Variants in CTDSPL observed in about 807,000 individuals in gnomAD.
CTDSPL encodes the protein CTD small phosphatase-like protein.
In CTDSPL, 8 loss-of-function variants were observed where a neutral mutation model predicts 30.5. The ratio of observed to expected loss-of-function variants is 0.26; its 90% CI spans 0.15 to 0.47. CTDSPL has a LOEUF of 0.47. CTDSPL is among the 20% of genes least tolerant of loss of function. The pLI is 0.99. For synonymous variants in CTDSPL, 110 were observed against 137.9 expected (o/e 0.80, Z 1.42); for missense variants, 248 against 366.1 (o/e 0.68, Z 2.63).
intron 1 of CTDSPL, among the ~76,000 whole-genome samples, chr3:37,909,157 G>T (rs1230174902): frequency 6.6e-6 from 1 of 152,122 alleles, no homozygotes; most frequent in East Asian, 1.9e-4. Context: ...TCACAGCATG[G>T]CATGATGAAA....
chr3:37,879,863 T>C (rs1418225801), intron 1 of CTDSPL, among the ~76,000 whole-genome samples: 2 of 152,016 alleles, frequency 1.3e-5, no homozygotes, highest in Non-Finnish European at 2.9e-5. Context: ...TTATTTTATG[T>C]ATACATATAT....
At chr3:37,946,392 A>G (rs1474209803) in intron 1 of CTDSPL, among the ~76,000 whole-genome samples, 1 of 152,190 alleles carries the variant, frequency 6.6e-6, no homozygotes, top group Non-Finnish European at 1.5e-5. Context: ...GGGCAGGAAC[A>G]TGTGTTCTCC....
chr3:37,981,314 A>G lies in CTDSPL; in HGVS notation c.*447A>G, dbSNP rs996627844. On this transcript the variant is annotated 3_prime_UTR_variant, in exon 8 of 8. Transcript: ENST00000273179. ...CCGAGAGTTAATTTTTCTACACAAC[A>G]TATTTCCAGACATCTTTTAGTCTTT... is the stretch of plus-strand genomic sequence containing the variant. 2 of 158,154 alleles carry G rather than the reference A, an allele frequency of 1.3e-5. No individual in the cohort carries two copies. Among genetic ancestry groups the G allele is most frequent in the African/African-American group, 2.4e-5 (1 of 41,446 alleles). The allele number at this position is 158,154 out of a possible 1,614,324, so 9.8% of individuals were successfully genotyped here. A position where few individuals can be genotyped will look rare whatever the true frequency, so the allele number is the denominator to read the frequency against.
intron 1 of CTDSPL, among the ~76,000 whole-genome samples, chr3:37,891,617 C>T (rs751838035): frequency 1.3e-5 from 2 of 152,144 alleles, no homozygotes; most frequent in East Asian, 3.9e-4. Context: ...TTCATTTAAC[C>T]TGTTAATGGA....
At chr3:37,963,431 A>G (rs1022413020) in intron 3 of CTDSPL, among the ~76,000 whole-genome samples, 1 of 152,354 alleles carries the variant, frequency 6.6e-6, no homozygotes, top group East Asian at 1.9e-4. Flanking sequence ...GCCACGTAAA[A>G]GGAAATACAG....
At chr3:37,914,873 CTTTTTTTT>C (rs11304152) in intron 1 of CTDSPL, among the ~76,000 whole-genome samples, 12 of 51,282 alleles carry the variant, frequency 2.3e-4, no homozygotes, top group Middle Eastern at 0.018. Context: ...TATATATGTT[CTTTTTTTT>C]TTTTTTTTTT....
chr3:37,901,655 C>T (rs933514869), intron 1 of CTDSPL, among the ~76,000 whole-genome samples: 3 of 152,150 alleles, frequency 2.0e-5, no homozygotes, highest in African/African-American at 7.2e-5. Context: ...AGACCTCTTG[C>T]TTTGAGAGCA....
chr3:37,899,250 AGG>A (rs569836885), intron 1 of CTDSPL, among the ~76,000 whole-genome samples: 27 of 152,342 alleles, frequency 1.8e-4, no homozygotes, highest in Middle Eastern at 3.4e-3. Flanking sequence ...GAGCTCACCT[AGG>A]GAGAGAGACT....
intron 1 of CTDSPL, among the ~76,000 whole-genome samples, chr3:37,905,762 G>C (rs995878166): frequency 2.0e-5 from 3 of 152,234 alleles, no homozygotes; most frequent in Admixed American, 2.0e-4. Context: ...ACACAGGTCT[G>C]AACAACATAG....
chr3:37,936,397 T>C (rs2125617658), intron 1 of CTDSPL, among the ~76,000 whole-genome samples: 1 of 152,208 alleles, frequency 6.6e-6, no homozygotes, highest in African/African-American at 2.4e-5. Context: ...TCTGTGCGGT[T>C]TGTGCCCTGG....
At chr3:37,894,194 G>A (rs953578234) in intron 1 of CTDSPL, among the ~76,000 whole-genome samples, 1 of 152,030 alleles carries the variant, frequency 6.6e-6, no homozygotes, top group Non-Finnish European at 1.5e-5. Context: ...TGATTCACCT[G>A]CCTCAGCCTC....
At chr3:37,868,293 T>A (rs1222703779) in intron 1 of CTDSPL, among the ~76,000 whole-genome samples, 1 of 152,116 alleles carries the variant, frequency 6.6e-6, no homozygotes, top group Non-Finnish European at 1.5e-5. Context: ...TTTTGAGAAT[T>A]TTTATATATT....
At chr3:37,933,124 G>C (rs1698874797) in intron 1 of CTDSPL, among the ~76,000 whole-genome samples, 1 of 145,554 alleles carries the variant, frequency 6.9e-6, no homozygotes, top group African/African-American at 2.6e-5. Flanking sequence ...CTACACTCCA[G>C]CCTGGGTAAC....
At chr3:37,939,896 A>G (rs1363597374) in intron 1 of CTDSPL, among the ~76,000 whole-genome samples, 1 of 150,134 alleles carries the variant, frequency 6.7e-6, no homozygotes, top group Admixed American at 6.7e-5. Flanking sequence ...GTTCAAGACC[A>G]GCCTGGCCAA....
intron 1 of CTDSPL, among the ~76,000 whole-genome samples, chr3:37,924,720 T>C (rs1698760993): frequency 6.6e-6 from 1 of 152,204 alleles, no homozygotes. Context: ...GTGTTGTTGC[T>C]TGCTTGGAAA....
At chr3:37,888,601 C>T (rs895964200) in intron 1 of CTDSPL, among the ~76,000 whole-genome samples, 2 of 152,184 alleles carry the variant, frequency 1.3e-5, no homozygotes, top group African/African-American at 4.8e-5. Context: ...ACTTAGACCA[C>T]CCTGTTTGAG....
At chr3:37,969,548 C>T (rs1699341760) in intron 5 of CTDSPL, 1 of 405,770 alleles carries the variant, frequency 2.5e-6, no homozygotes, top group African/African-American at 2.1e-5. Context: ...CCAGAGTTCA[C>T]AAATCAGTCT....
chr3:37,952,573 C>T (rs964950391), intron 2 of CTDSPL, among the ~76,000 whole-genome samples: 12 of 152,228 alleles, frequency 7.9e-5, no homozygotes, highest in Non-Finnish European at 1.8e-4. Context: ...CTGCTTATGT[C>T]TTATTGGCCT....
chr3:37,900,848 G>T (rs551198373), intron 1 of CTDSPL, among the ~76,000 whole-genome samples: 1 of 152,096 alleles, frequency 6.6e-6, no homozygotes, highest in Admixed American at 6.5e-5. Context: ...GCCCAGGCTG[G>T]AGTGCAGTGG....
Sources: gnomAD v4.1 joint callset for allele counts (sites outside exome capture counted in the v4.1 genomes callset) on GRCh38, gnomAD v4.1.1 for gene constraint, MANE v1.5 for transcripts, NCBI Gene and HGNC (gene_info 2026-07-23, HGNC 2026-07-21) for gene names.